Variants in YES1 observed in about 807,000 individuals in gnomAD.
YES1 encodes tyrosine-protein kinase Yes.
YES1 carries 39 observed loss-of-function variants against 70.4 expected under a neutral mutation model. That is an observed-to-expected ratio of 0.55 (90% CI 0.43 to 0.72). YES1 has a LOEUF of 0.72. Among genes scored for constraint, YES1 ranks in the 30% least tolerant of loss-of-function variants. The pLI is 0.00. For synonymous variants in YES1, 198 were observed against 218.6 expected (o/e 0.91, Z 0.83); for missense variants, 495 against 644.8 (o/e 0.77, Z 2.52).
intron 1 of YES1, among the ~76,000 whole-genome samples, chr18:811,030 T>C (rs1907350125): frequency 6.6e-6 from 1 of 152,218 alleles, no homozygotes; most frequent in South Asian, 2.1e-4. Flanking sequence ...ATACTTTCCT[T>C]AGTGCGTAAT....
At chr18:725,489 CATT>C (rs1292246001) in intron 11 of YES1, among the ~76,000 whole-genome samples, 3 of 152,084 alleles carry the variant, frequency 2.0e-5, no homozygotes, top group Non-Finnish European at 4.4e-5. Flanking sequence ...TCTCAAAATA[CATT>C]TTTTAAACTA....
At chr18:743,525 T>C (rs1198277925) in intron 6 of YES1, 110 bp from the exon 7 acceptor site, 5 of 911,276 alleles carry the variant, frequency 5.5e-6, no homozygotes, top group South Asian at 5.8e-5. Context: ...AGAAGTCCTT[T>C]CGAGTTTTAC....
rs1205698485 is a variant in YES1 at position 721,858 on chromosome 18, A to C, written c.*2566T>G. 6.5e-6 allele frequency: 1 copy of C among 152,686 alleles called. No individual in the cohort carries two copies. Among genetic ancestry groups the C allele is most frequent in the Non-Finnish European group, 1.5e-5 (1 of 68,046 alleles). The allele number at this position is 152,686 out of a possible 1,614,324, so 9.5% of individuals were successfully genotyped here. On this transcript the variant is annotated 3_prime_UTR_variant, in exon 12 of 12. Coordinates refer to ENST00000314574, the MANE Select transcript of YES1 (RefSeq NM_005433.4). ...TATTCATTTAAAAAAGTGTGCTAGA[A>C]GGCTGTTTTTGCCAACTTCCTTTTT...
chr18:747,193 G>A (rs2080290410), intron 4 of YES1, among the ~76,000 whole-genome samples: 1 of 152,200 alleles, frequency 6.6e-6, no homozygotes. Flanking sequence ...CTTTGGGCCA[G>A]GCACAATGGC....
chr18:729,587 T>A (rs1286079025), intron 11 of YES1, among the ~76,000 whole-genome samples: 1 of 151,438 alleles, frequency 6.6e-6, no homozygotes, highest in Non-Finnish European at 1.5e-5. Flanking sequence ...AAGATTTGGA[T>A]TATCTCAGAG....
intron 1 of YES1, among the ~76,000 whole-genome samples, chr18:777,746 G>A (rs1905454816): frequency 6.7e-6 from 1 of 150,372 alleles, no homozygotes; most frequent in South Asian, 2.1e-4. Context: ...GGCGGAGGTT[G>A]CAATGAGCTG....
chr18:757,225 T>C (rs898918299), intron 1 of YES1, among the ~76,000 whole-genome samples: 14 of 152,128 alleles, frequency 9.2e-5, no homozygotes, highest in East Asian at 5.8e-4. Flanking sequence ...AAAGTATCGC[T>C]GGGCGCAGTG....
At chr18:747,254 G>T (rs563917802) in intron 4 of YES1, among the ~76,000 whole-genome samples, 2 of 152,324 alleles carry the variant, frequency 1.3e-5, no homozygotes, top group South Asian at 4.1e-4. Flanking sequence ...TGGATCACTT[G>T]AGGTCAGGAG....
chr18:768,386 A>T (rs1905003960), intron 1 of YES1, among the ~76,000 whole-genome samples: 1 of 152,248 alleles, frequency 6.6e-6, no homozygotes, highest in Non-Finnish European at 1.5e-5. Flanking sequence ...TTTTAAGAAT[A>T]CTGACTTCCG....
chr18:780,383 C>G (rs1271360243), intron 1 of YES1, among the ~76,000 whole-genome samples: 1 of 151,978 alleles, frequency 6.6e-6, no homozygotes, highest in Non-Finnish European at 1.5e-5. Flanking sequence ...CATGGGTCAT[C>G]ATGGGAGTAC....
At chr18:766,215 T>C (rs1354378765) in intron 1 of YES1, among the ~76,000 whole-genome samples, 5 of 152,136 alleles carry the variant, frequency 3.3e-5, no homozygotes, top group Non-Finnish European at 5.9e-5. Context: ...ACTTACACGG[T>C]CTTATCTCTA....
intron 1 of YES1, among the ~76,000 whole-genome samples, chr18:796,815 G>C (rs1906568524): frequency 2.0e-5 from 3 of 151,848 alleles, no homozygotes; most frequent in Admixed American, 1.3e-4. Context: ...CCAGAAACAG[G>C]CCCAAGAGTA....
At chr18:753,683 A>C (rs2080371104) in intron 2 of YES1, among the ~76,000 whole-genome samples, 2 of 152,022 alleles carry the variant, frequency 1.3e-5, no homozygotes, top group Admixed American at 1.3e-4. Context: ...ATGGGGTTTC[A>C]CCATGTTGGC....
chr18:787,555 C>G (rs1253444506), intron 1 of YES1, among the ~76,000 whole-genome samples: 3 of 151,970 alleles, frequency 2.0e-5, no homozygotes, highest in Non-Finnish European at 4.4e-5. Flanking sequence ...ACTAAAAATA[C>G]AAAGATTGGC....
chr18:727,177 C>T (rs1192374245), intron 11 of YES1, among the ~76,000 whole-genome samples: 1 of 152,086 alleles, frequency 6.6e-6, no homozygotes, highest in African/African-American at 2.4e-5. Flanking sequence ...TTACATAGCT[C>T]ATTTTGGATT....
chr18:776,012 C>T lies in YES1; in HGVS notation c.-8-19177G>A, dbSNP rs192646383. On this transcript the variant is annotated intron_variant, in intron 1 of 11. Coordinates refer to ENST00000314574, the MANE Select transcript of YES1 (RefSeq NM_005433.4). The stretch of plus-strand genomic sequence containing the variant: ...CTATTAGAATAATGACAGCAATGAA[C>T]ATTCCCGAGCCCTCCTTGGTACGCA... Among the ~76,000 whole-genome samples the T allele has an allele frequency of 3.6e-3, 544 of 152,196 alleles. 4 individuals are homozygous for T. Among genetic ancestry groups the T allele is most frequent in the African/African-American group, 0.012 (514 of 41,530 alleles).
At chr18:801,345 T>G (rs1906811576) in intron 1 of YES1, among the ~76,000 whole-genome samples, 1 of 151,762 alleles carries the variant, frequency 6.6e-6, no homozygotes, top group African/African-American at 2.4e-5. Flanking sequence ...AAAAATGATT[T>G]ACATGAACAA....
At chr18:766,901 T>C (rs1401754398) in intron 1 of YES1, among the ~76,000 whole-genome samples, 1 of 152,216 alleles carries the variant, frequency 6.6e-6, no homozygotes, top group African/African-American at 2.4e-5. Flanking sequence ...TAAACTGTGA[T>C]ATTTCTCCCA....
intron 1 of YES1, among the ~76,000 whole-genome samples, chr18:803,921 A>G (rs1352578979): frequency 6.6e-6 from 1 of 152,254 alleles, no homozygotes; most frequent in Non-Finnish European, 1.5e-5. Context: ...GGCTGCCTAG[A>G]AATCAGGCCA....
Sources: gnomAD v4.1 joint callset for allele counts (sites outside exome capture counted in the v4.1 genomes callset) on GRCh38, gnomAD v4.1.1 for gene constraint, MANE v1.5 for transcripts, NCBI Gene and HGNC (gene_info 2026-07-23, HGNC 2026-07-21) for gene names.